DIAPH2: variants seen among roughly 807,000 people sequenced by gnomAD.
The protein encoded by DIAPH2 is protein diaphanous homolog 2.
DIAPH2 carries 35 observed loss-of-function variants against 92.7 expected under a neutral mutation model. The ratio of observed to expected loss-of-function variants is 0.38; its 90% CI spans 0.29 to 0.50. The LOEUF (loss-of-function observed/expected upper bound fraction) is 0.50, where lower values mean the gene tolerates loss of function less well. Ranked by LOEUF, DIAPH2 falls within the 20% of genes least tolerant of loss-of-function variation. DIAPH2 has a pLI of 0.94. For missense variants in DIAPH2, 701 were observed against 819.5 expected (o/e 0.86, Z 1.77); for synonymous variants, 301 against 280.4 (o/e 1.07, Z -0.73).
intron 26 of DIAPH2, among the ~76,000 whole-genome samples, chrX:97,530,483 T>C (rs1021765607): frequency 8.9e-5 from 10 of 111,786 alleles, no homozygotes; most frequent in Admixed American, 1.9e-4. Context: ...TATTTGTTCG[T>C]TGATTCCTTG....
rs757433437 is a variant in DIAPH2, at chrX:97,284,550, T to C, written c.2844+36711T>C. ...GCTTGAACCCGGGAGGCGGAGGTTG[T>C]GGTGAGCCGAGATCGCGCCATTGTA... On this transcript the variant is annotated intron_variant, in intron 23 of 26. Transcript: ENST00000324765. Among the ~76,000 whole-genome samples the C allele has an allele frequency of 1.7e-4, 18 of 104,604 alleles. No individual in the cohort carries two copies. In the East Asian group the frequency reaches 5.4e-3, roughly 31 times the overall value. 90.8% of individuals were successfully genotyped at this position (104,604 alleles called of 115,157 possible).
At chrX:97,031,261 A>G (rs185051191) in intron 17 of DIAPH2, among the ~76,000 whole-genome samples, 19 of 101,138 alleles carry the variant, frequency 1.9e-4, no homozygotes, top group African/African-American at 5.8e-4. Flanking sequence ...GAGCCTGACA[A>G]GAGGTCTCCA....
intron 4 of DIAPH2, among the ~76,000 whole-genome samples, chrX:96,761,543 A>G: frequency 9.0e-6 from 1 of 111,328 alleles, no homozygotes; most frequent in Non-Finnish European, 1.9e-5. Context: ...TGATCTGGAT[A>G]TGATCAAACA....
At chrX:96,693,013 A>T (rs1234871298) in intron 1 of DIAPH2, among the ~76,000 whole-genome samples, 1 of 112,043 alleles carries the variant, frequency 8.9e-6, no homozygotes, top group African/African-American at 3.2e-5. Context: ...TACAATTGAA[A>T]ATCAGACTAC....
At chrX:96,818,249 G>T (rs1329516586) in intron 4 of DIAPH2, among the ~76,000 whole-genome samples, 1 of 109,510 alleles carries the variant, frequency 9.1e-6, no homozygotes, top group Non-Finnish European at 1.9e-5. Flanking sequence ...AAAGTGTTGG[G>T]ATTACAGGTG....
At chrX:97,312,523 T>A (rs1253556873) in intron 23 of DIAPH2, among the ~76,000 whole-genome samples, 1 of 109,042 alleles carries the variant, frequency 9.2e-6, no homozygotes, top group Non-Finnish European at 1.9e-5. Context: ...CTAATTTTTA[T>A]ATTTTTAGTA....
intron 26 of DIAPH2, among the ~76,000 whole-genome samples, chrX:97,474,462 A>C (rs1602614685): frequency 8.9e-6 from 1 of 112,239 alleles, no homozygotes; most frequent in East Asian, 2.8e-4. Context: ...CTTCCTGCAG[A>C]GATTTTAAAG....
intron 21 of DIAPH2, among the ~76,000 whole-genome samples, chrX:97,138,568 A>T (rs931724218): frequency 1.8e-5 from 2 of 111,776 alleles, no homozygotes; most frequent in Middle Eastern, 4.2e-3. Context: ...TTAACTGATG[A>T]TTGCACCTGA....
At chrX:96,991,694 C>T (rs895116599) in intron 17 of DIAPH2, among the ~76,000 whole-genome samples, 1 of 110,439 alleles carries the variant, frequency 9.1e-6, no homozygotes, top group Admixed American at 9.7e-5. Context: ...ACATCAGTAG[C>T]TTTAAGAGGT....
chrX:96,866,015 G>A (rs2065102619), intron 4 of DIAPH2, among the ~76,000 whole-genome samples: 1 of 111,927 alleles, frequency 8.9e-6, no homozygotes, highest in Admixed American at 9.5e-5. Flanking sequence ...GCAGACTACT[G>A]GATTCAAATC....
At chrX:96,930,965 A>G (rs1391736389) in intron 10 of DIAPH2, 122 bp downstream of exon 10, 1 of 763,100 alleles carries the variant, frequency 1.3e-6, no homozygotes, top group African/African-American at 2.2e-5. Flanking sequence ...AGCATTAGAC[A>G]TTTTGTAAGC....
chrX:96,820,847 T>C (rs2064773117), intron 4 of DIAPH2, among the ~76,000 whole-genome samples: 1 of 111,915 alleles, frequency 8.9e-6, no homozygotes, highest in South Asian at 3.7e-4. Flanking sequence ...AAAGATGTGA[T>C]AGTGATAGAC....
chrX:96,980,520 A>G (rs975724826), intron 17 of DIAPH2, among the ~76,000 whole-genome samples: 1 of 110,095 alleles, frequency 9.1e-6, no homozygotes, highest in South Asian at 4.0e-4. Flanking sequence ...GAAAAGCAAC[A>G]CTCAAGTGGG....
chrX:96,695,457 G>A (rs1350547623), intron 1 of DIAPH2, among the ~76,000 whole-genome samples: 2 of 111,985 alleles, frequency 1.8e-5, no homozygotes, highest in Admixed American at 1.9e-4. Flanking sequence ...GGTCTTGTAA[G>A]TTCCCATGAG....
chrX:97,082,643 A>G (rs2066755483), intron 19 of DIAPH2, among the ~76,000 whole-genome samples: 1 of 110,552 alleles, frequency 9.0e-6, no homozygotes, highest in Admixed American at 9.7e-5. Context: ...AAAACAAACA[A>G]ACAAACAAAC....
chrX:96,909,388 A>AG (rs895401374), intron 5 of DIAPH2, among the ~76,000 whole-genome samples: 1 of 109,135 alleles, frequency 9.2e-6, no homozygotes, highest in Non-Finnish European at 1.9e-5. Flanking sequence ...AGGCTGGGGG[A>AG]GGGGGGTGGA....
intron 22 of DIAPH2, among the ~76,000 whole-genome samples, chrX:97,153,428 C>CA (rs2067299967): frequency 9.1e-6 from 1 of 109,757 alleles, no homozygotes; most frequent in South Asian, 3.9e-4. Context: ...ACTAAAAATA[C>CA]AAAAAAATTA....
intron 5 of DIAPH2, among the ~76,000 whole-genome samples, chrX:96,902,433 G>A (rs2065404045): frequency 1.8e-5 from 2 of 111,422 alleles, no homozygotes; most frequent in African/African-American, 6.5e-5. Flanking sequence ...CTTAGGTCTA[G>A]TAGTAATTGT....
chrX:96,957,833 A>G lies in DIAPH2; in HGVS notation c.1620A>G (p.Gln540=). The change falls in exon 16 of 27, where the codon CAA becomes CAG. Residue 540 remains glutamine, a synonymous_variant. Transcript: ENST00000324765. The stretch of plus-strand genomic sequence containing the variant: ...TTGGATTATTTATATTTCAGGCACA[A>G]GTACTCTCAAGTTCATCAGGAATTC... ...AEIQQLRTQA[Q]VLSSSSGIPG... is the part of the protein sequence containing the mutation. The G allele has an allele frequency of 1.7e-6, 2 of 1,194,041 alleles. No individual in the cohort carries two copies. The highest frequency in any genetic ancestry group is 3.0e-5 in the East Asian group (1 of 33,745).
Sources: gnomAD v4.1 joint callset for allele counts (sites outside exome capture counted in the v4.1 genomes callset) on GRCh38, gnomAD v4.1.1 for gene constraint, MANE v1.5 for transcripts, NCBI Gene and HGNC (gene_info 2026-07-23, HGNC 2026-07-21) for gene names.